MROH7: variants seen among roughly 807,000 people sequenced by gnomAD.
MROH7 encodes the protein maestro heat-like repeat-containing protein family member 7.
A neutral mutation model predicts 129.2 loss-of-function variants in MROH7; 113 were observed. The ratio of observed to expected loss-of-function variants is 0.87; its 90% CI spans 0.75 to 1.02. MROH7 has a LOEUF of 1.02. Among genes scored for constraint, MROH7 ranks in the 50% least tolerant of loss-of-function variants. The probability of loss-of-function intolerance (pLI) is 0.00; values close to 1 mark genes in which losing one functional copy is unlikely to be tolerated. For synonymous variants in MROH7, 655 were observed against 667.9 expected (o/e 0.98, Z 0.30); for missense variants, 1,601 against 1,671.3 (o/e 0.96, Z 0.73).
chr1:54,677,814 T>C (rs575760750), intron 10 of MROH7, among the ~76,000 whole-genome samples: 1 of 152,298 alleles, frequency 6.6e-6, no homozygotes, highest in East Asian at 1.9e-4. Context: ...TTCTAGGATA[T>C]GGGGACACAG....
Position 54,710,124 on chromosome 1 carries a change from C to T in MROH7, c.3909C>T (p.Ser1303=), listed in dbSNP as rs774818353. 1 of 1,613,882 alleles carries T rather than the reference C, an allele frequency of 6.2e-7. No individual in the cohort carries two copies. Among genetic ancestry groups the T allele is most frequent in the Non-Finnish European group, 8.5e-7 (1 of 1,179,988 alleles). Residue 1303 remains serine, a synonymous_variant, in exon 24 of 24, where the codon TCC becomes TCT. Coordinates refer to ENST00000421030, the MANE Select transcript of MROH7 (RefSeq NM_001039464.4). ...CCAGCTGTGAGAACCTGCCCACTTC[C>T]CACCAGCGGCGCTCCTGGATCATGC... The part of the protein sequence containing the change: ...WSPSCENLPT[S]HQRRSWIMQA...
chr1:54,707,187 C>G (rs917866872), intron 22 of MROH7, among the ~76,000 whole-genome samples: 1 of 152,152 alleles, frequency 6.6e-6, no homozygotes, highest in Non-Finnish European at 1.5e-5. Flanking sequence ...TTGACCAGAG[C>G]CCCCGACAGG....
rs755578568 is a variant in MROH7 at position 54,701,158 on chromosome 1, G to A, written c.3121G>A (p.Ala1041Thr). ...TGCCCCACAGACCGCCAAGGTGAAG[G>A]CCCTCCTGCCCTCCATGGTGAAGGG... ...RRSEKTAKVK[A>T]LLPSMVKGLK... is the part of the protein sequence containing the mutation. The change falls in exon 19 of 24, where the codon GCC becomes ACC. Residue 1041 changes from alanine (A) to threonine (T), a missense_variant. Coordinates refer to ENST00000421030, the MANE Select transcript of MROH7 (RefSeq NM_001039464.4). 2 of 1,613,786 alleles carry A rather than the reference G, an allele frequency of 1.2e-6. No homozygotes were observed. The highest frequency in any genetic ancestry group is 2.2e-5 in the South Asian group (2 of 91,056).
intron 3 of MROH7, among the ~76,000 whole-genome samples, chr1:54,661,035 A>T (rs1440305438): frequency 2.2e-4 from 33 of 150,182 alleles, no homozygotes; most frequent in African/African-American, 8.1e-4. Flanking sequence ...TAATTTCAGA[A>T]GGGAACGGCA....
intron 1 of MROH7, among the ~76,000 whole-genome samples, chr1:54,648,150 C>T (rs1038082994): frequency 6.6e-6 from 1 of 151,668 alleles, no homozygotes; most frequent in Non-Finnish European, 1.5e-5. Flanking sequence ...TCCCAAAGTG[C>T]TGAGATTATA....
chr1:54,675,745 A>G lies in MROH7; in HGVS notation c.1936+1594A>G, dbSNP rs1337412517. On this transcript the variant is annotated intron_variant, in intron 10 of 23. Coordinates refer to ENST00000421030, the MANE Select transcript of MROH7 (RefSeq NM_001039464.4). ...CCTGAGTAAGTGGGACTACAGGAGC[A>G]TGCTACCATGCCTGGCTAAATTTTT... Among the ~76,000 whole-genome samples, 14 of 151,602 alleles carry G rather than the reference A, an allele frequency of 9.2e-5. No individual in the cohort carries two copies. The East Asian group carries it at 2.7e-3, about 30-fold the overall frequency.
At position 54,653,987 on chromosome 1, in the gene MROH7, G is replaced by T. The variant is rs754450065; in HGVS notation, c.1061G>T (p.Ser354Ile). Residue 354 changes from serine (S) to isoleucine (I), a missense_variant, in exon 3 of 24, where the codon AGC (serine) becomes ATC (isoleucine). Ser to Ile is a moderately radical substitution (Grantham distance 142). Coordinates refer to ENST00000421030, the MANE Select transcript of MROH7 (RefSeq NM_001039464.4). ...AGCGACACCTCCACCTTGACGCTGA[G>T]CAGTCAGCAGGATGATGCCAAGGAC... ...LFSDTSTLTL[S>I]SQQDDAKDNS... is the part of the protein sequence containing the mutation. 4 of 1,614,128 alleles carry T rather than the reference G, an allele frequency of 2.5e-6. No homozygotes were observed. Among genetic ancestry groups the T allele is most frequent in the African/African-American group, 2.7e-5 (2 of 74,948 alleles).
intron 21 of MROH7, among the ~76,000 whole-genome samples, chr1:54,704,172 T>C (rs894146226): frequency 1.3e-5 from 2 of 152,208 alleles, no homozygotes; most frequent in Admixed American, 1.3e-4. Flanking sequence ...GCCTCTGCAA[T>C]TGAGGGTCTC....
At chr1:54,663,530 T>C (rs1644763271) in intron 3 of MROH7, among the ~76,000 whole-genome samples, 2 of 151,988 alleles carry the variant, frequency 1.3e-5, no homozygotes, top group South Asian at 4.1e-4. Context: ...GCACCACCAT[T>C]GCCCAGCTAA....
intron 15 of MROH7, among the ~76,000 whole-genome samples, chr1:54,686,890 T>C (rs942219644): frequency 3.9e-5 from 6 of 152,114 alleles, no homozygotes; most frequent in Admixed American, 6.6e-5. Flanking sequence ...GACAACCAAG[T>C]TCTTCATGCC....
Position 54,709,014 on chromosome 1 carries a change from G to A in MROH7, c.3668G>A (p.Gly1223Glu), listed in dbSNP as rs755672932. Residue 1223 changes from glycine (G) to glutamate (E), a missense_variant and splice_region_variant, in exon 23 of 24, where the codon GGG (glycine) becomes GAG (glutamate). Gly to Glu is a moderately conservative substitution (Grantham distance 98). Transcript: ENST00000421030. ...CCTCACTTCTTGGATTACGCTCAAG[G>A]GTCCCTGGTCCCCTGCATGGAGAGC... ...SLRKCSVMFI[G>E]SLVPCMESIM... 6.8e-6 allele frequency: 11 copies of A among 1,614,080 alleles called. No homozygotes were observed. In the South Asian group the frequency reaches 9.9e-5, roughly 14 times the overall value.
chr1:54,665,146 C>A, intron 3 of MROH7, 21 bp from the exon 4 acceptor site: 1 of 1,604,304 alleles, frequency 6.2e-7, no homozygotes, highest in South Asian at 1.1e-5. Context: ...TCCACCTTCT[C>A]ATTGAAATCG....
rs1225623141 is a variant in MROH7 at position 54,663,685 on chromosome 1, TAAA to T, written c.1232-1468_1232-1466del. ...CACCGTGCCCGGCCCCCATCAGCTC[TAAA>T]AAAAAAAAAAAAACAAAAAAAAAAC... is the stretch of plus-strand genomic sequence containing the variant. On this transcript the variant is annotated intron_variant, in intron 3 of 23. Transcript: ENST00000421030. 4.0e-3 allele frequency: 1,111 copies of T among 276,070 alleles called. 4 individuals carry two copies. The highest frequency in any genetic ancestry group is 9.8e-3 in the Admixed American group (195 of 19,838). 17.1% of individuals were successfully genotyped at this position (276,070 alleles called of 1,614,324 possible). A position where few individuals can be genotyped will look rare whatever the true frequency, so the allele number is the denominator to read the frequency against.
intron 14 of MROH7, among the ~76,000 whole-genome samples, chr1:54,684,653 G>GTAATCA (rs1645119061): frequency 6.6e-6 from 1 of 152,236 alleles, no homozygotes; most frequent in Non-Finnish European, 1.5e-5. Flanking sequence ...TTCTTTGGAT[G>GTAATCA]TAATCATTAG....
At chr1:54,654,451 C>T (rs113437863) in intron 3 of MROH7, among the ~76,000 whole-genome samples, 8 of 152,174 alleles carry the variant, frequency 5.3e-5, no homozygotes, top group African/African-American at 1.9e-4. Flanking sequence ...GCAGGTGGAT[C>T]GTCTGAGGTT....
At chr1:54,705,326 T>C (rs1645515410) in intron 21 of MROH7, among the ~76,000 whole-genome samples, 2 of 152,244 alleles carry the variant, frequency 1.3e-5, no homozygotes, top group African/African-American at 4.8e-5. Flanking sequence ...CTGACACTTT[T>C]GGGGCACCTG....
intron 9 of MROH7, 60 bp downstream of exon 9, chr1:54,673,865 G>A (rs958708899): frequency 1.9e-6 from 3 of 1,538,726 alleles, no homozygotes; most frequent in Non-Finnish European, 2.7e-6. Flanking sequence ...TTCTGAAGGA[G>A]CCCGTACCTC....
At chr1:54,655,442 C>G (rs1171970029) in intron 3 of MROH7, among the ~76,000 whole-genome samples, 1 of 152,058 alleles carries the variant, frequency 6.6e-6, no homozygotes, top group Non-Finnish European at 1.5e-5. Flanking sequence ...GTGATCATAG[C>G]TCCTTGCAAC....
intron 15 of MROH7, among the ~76,000 whole-genome samples, chr1:54,691,806 G>A (rs914458986): frequency 1.0e-5 from 1 of 100,428 alleles, no homozygotes; most frequent in African/African-American, 4.8e-5. Context: ...AAAAAAAAGT[G>A]TGTGTGTGTG....
Sources: allele counts gnomAD v4.1 joint callset (sites outside exome capture counted in the v4.1 genomes callset), GRCh38; gene constraint gnomAD v4.1.1; transcripts MANE v1.5; gene names NCBI Gene and HGNC (gene_info 2026-07-23, HGNC 2026-07-21).